TMEM243: variants seen among roughly 807,000 people sequenced by gnomAD.
TMEM243 encodes transmembrane protein 243, also known as MDR1 and mitochondrial taxol resistance associated.
TMEM243 carries 20 observed loss-of-function variants against 15.0 expected under a neutral mutation model. The observed-to-expected ratio is 1.33, with a 90% confidence interval of 0.94 to 1.93. The LOEUF (loss-of-function observed/expected upper bound fraction) is 1.93. TMEM243 is among the 30% of genes most tolerant of loss of function. The pLI, the probability that TMEM243 is intolerant of heterozygous loss-of-function variation, is 0.00. For synonymous variants in TMEM243, 72 were observed against 52.7 expected, an observed-to-expected ratio of 1.37 and a Z score of -1.59; for missense variants, 156 against 142.1, an observed-to-expected ratio of 1.10 and a Z score of -0.50.
intron 1 of TMEM243, chr7:87,218,843 TTTAAAAGGTG>T: frequency 6.6e-6 from 1 of 152,650 alleles, no homozygotes; most frequent in South Asian, 2.0e-4. Flanking sequence ...ATTAATCCTT[TTTAAAAGGTG>T]TTAAACATTT....
intron 3 of TMEM243, 58 bp from the exon 4 acceptor site, chr7:87,196,816 A>G: frequency 2.5e-6 from 3 of 1,208,008 alleles, no homozygotes; most frequent in Non-Finnish European, 3.4e-6. Context: ...TTTCTCTACC[A>G]ATTTCAAATT....
In TMEM243 at chr7:87,196,621, T is replaced by TTC; in HGVS notation, c.*13_*14dup. The TTC allele has an allele frequency of 6.2e-7, 1 of 1,607,324 alleles. No homozygotes were observed. ...CATTTTGAAGAGTCCTGGTAAGTAC[T>TTC]TCTCCTTGGCAGCCTCACCTTCCCA... is the stretch of plus-strand genomic sequence containing the variant. On this transcript the variant is annotated 3_prime_UTR_variant, in exon 4 of 4. Coordinates refer to ENST00000257637, the MANE Select transcript of TMEM243 (RefSeq NM_024315.4).
intron 1 of TMEM243, among the ~76,000 whole-genome samples, chr7:87,217,136 G>C (rs542614829): frequency 1.3e-5 from 2 of 152,300 alleles, no homozygotes; most frequent in Admixed American, 6.5e-5. Flanking sequence ...ATATGTGTCC[G>C]TTCTCATAAA....
chr7:87,196,541 T>G lies in TMEM243; in HGVS notation c.*95A>C. On this transcript the variant is annotated 3_prime_UTR_variant, in exon 4 of 4. Coordinates refer to ENST00000257637, the MANE Select transcript of TMEM243 (RefSeq NM_024315.4). The stretch of plus-strand genomic sequence containing the variant: ...ACATGAAAATCATGTATCAGACTTC[T>G]GCAGGAGATTCTTCAGCATACCTTA... 1 of 1,211,032 alleles carries G rather than the reference T, an allele frequency of 8.3e-7. No homozygotes were observed. Among genetic ancestry groups the G allele is most frequent in the South Asian group, 1.4e-5 (1 of 70,512 alleles). The allele number at this position is 1,211,032 out of a possible 1,614,324, so 75.0% of individuals were successfully genotyped here.
At chr7:87,207,881 A>T (rs1414761495) in intron 1 of TMEM243, among the ~76,000 whole-genome samples, 1 of 152,152 alleles carries the variant, frequency 6.6e-6, no homozygotes, top group African/African-American at 2.4e-5. Flanking sequence ...ACCCCTGGGA[A>T]GCTGTTCCAC....
intron 1 of TMEM243, among the ~76,000 whole-genome samples, chr7:87,206,036 A>T (rs1349232916): frequency 6.6e-6 from 1 of 152,196 alleles, no homozygotes; most frequent in Non-Finnish European, 1.5e-5. Flanking sequence ...GGCAAAAGAT[A>T]ACGTCTTACA....
At chr7:87,202,058 T>C in intron 1 of TMEM243, among the ~76,000 whole-genome samples, 1 of 152,152 alleles carries the variant, frequency 6.6e-6, no homozygotes, top group East Asian at 1.9e-4. Flanking sequence ...TACATACATG[T>C]ATATATATAG....
chr7:87,219,354 G>A, intron 1 of TMEM243, 72 bp downstream of exon 1: 2 of 1,480,660 alleles, frequency 1.4e-6, no homozygotes, highest in South Asian at 1.1e-5. Context: ...GAAAGACGCA[G>A]CCCGGACTCC....
At chr7:87,199,107 T>C in intron 1 of TMEM243, 50 bp from the exon 2 acceptor site, 1 of 1,472,486 alleles carries the variant, frequency 6.8e-7, no homozygotes, top group East Asian at 2.3e-5. Flanking sequence ...CCATGTTACC[T>C]TCAGTATAGT....
intron 1 of TMEM243, 177 bp from the exon 2 acceptor site, chr7:87,199,234 G>A: frequency 4.1e-6 from 2 of 492,230 alleles, no homozygotes; most frequent in Non-Finnish European, 3.5e-6. Context: ...AGTGGAAAAT[G>A]TACTTTGGGA....
intron 1 of TMEM243, among the ~76,000 whole-genome samples, chr7:87,211,916 C>G (rs1267353784): frequency 6.6e-6 from 1 of 152,238 alleles, no homozygotes; most frequent in East Asian, 1.9e-4. Flanking sequence ...AGACTTTGAA[C>G]AGTGCCGAGA....
At chr7:87,211,708 A>C (rs1211193363) in intron 1 of TMEM243, among the ~76,000 whole-genome samples, 1 of 152,158 alleles carries the variant, frequency 6.6e-6, no homozygotes, top group Non-Finnish European at 1.5e-5. Context: ...GTGTCCAGGG[A>C]TTTAATATGG....
intron 1 of TMEM243, among the ~76,000 whole-genome samples, chr7:87,219,095 G>C (rs1254446974): frequency 6.6e-6 from 1 of 152,078 alleles, no homozygotes; most frequent in Non-Finnish European, 1.5e-5. Context: ...AGTCTCTGGA[G>C]GGTCAGTACT....
chr7:87,214,048 G>C (rs1303842297), intron 1 of TMEM243, among the ~76,000 whole-genome samples: 1 of 152,228 alleles, frequency 6.6e-6, no homozygotes, highest in Non-Finnish European at 1.5e-5. Flanking sequence ...ACCACCCACA[G>C]AGTGGGCTGA....
chr7:87,216,775 T>C (rs1426650582), intron 1 of TMEM243: 4 of 152,228 alleles, frequency 2.6e-5, no homozygotes, highest in Admixed American at 2.6e-4. Context: ...AACCCCTATT[T>C]TCTGTGAAAG....
upstream of TMEM243, among the ~76,000 whole-genome samples, chr7:87,219,927 C>G (rs960348296): frequency 6.6e-6 from 1 of 152,250 alleles, no homozygotes; most frequent in Non-Finnish European, 1.5e-5. Flanking sequence ...GACTCCCACA[C>G]GTCGCCCCCC....
intron 1 of TMEM243, among the ~76,000 whole-genome samples, chr7:87,213,934 C>G (rs1239593801): frequency 1.3e-5 from 2 of 152,176 alleles, no homozygotes; most frequent in African/African-American, 4.8e-5. Context: ...TATGTACCTT[C>G]TCCCCAAATC....
At chr7:87,198,483 C>A in intron 2 of TMEM243, 1 of 166,886 alleles carries the variant, frequency 6.0e-6, no homozygotes, top group South Asian at 1.8e-4. Flanking sequence ...GCATTATATG[C>A]AATCTTTTCA....
intron 1 of TMEM243, among the ~76,000 whole-genome samples, chr7:87,209,774 C>CAGTGAGAGCGAGACAGTG (rs199590864): frequency 2.3e-3 from 169 of 72,936 alleles, no homozygotes; most frequent in African/African-American, 8.6e-3. Flanking sequence ...GAGAGCGAGA[C>CAGTGAGAGCGAGACAGTG]AGAGCGAGAC....
Sources: gnomAD v4.1 joint callset for allele counts (sites outside exome capture counted in the v4.1 genomes callset) on GRCh38, gnomAD v4.1.1 for gene constraint, MANE v1.5 for transcripts, NCBI Gene and HGNC (gene_info 2026-07-23, HGNC 2026-07-21) for gene names.